The following MGAT4C variants were observed in gnomAD, a reference collection of about 807,000 sequenced individuals.
MGAT4C encodes alpha-1,3-mannosyl-glycoprotein 4-beta-N-acetylglucosaminyltransferase C.
MGAT4C carries 19 observed loss-of-function variants against 40.1 expected under a neutral mutation model. The ratio of observed to expected loss-of-function variants is 0.47; its 90% CI spans 0.33 to 0.70. The LOEUF (loss-of-function observed/expected upper bound fraction) is 0.70. MGAT4C is among the 30% of genes least tolerant of loss of function. The pLI is 0.02. For synonymous variants in MGAT4C, 181 were observed against 187.1 expected, an observed-to-expected ratio of 0.97 and a Z score of 0.27; for missense variants, 491 against 563.2, an observed-to-expected ratio of 0.87 and a Z score of 1.30.
intron 3 of MGAT4C, among the ~76,000 whole-genome samples, chr12:86,401,196 A>G (rs1315199006): frequency 1.3e-5 from 2 of 151,654 alleles, no homozygotes; most frequent in Non-Finnish European, 2.9e-5. Flanking sequence ...AGTTCATATA[A>G]ACTTTCAAAG....
chr12:86,150,629 A>G (rs1321497878), intron 1 of MGAT4C, among the ~76,000 whole-genome samples: 1 of 152,218 alleles, frequency 6.6e-6, no homozygotes, highest in African/African-American at 2.4e-5. Flanking sequence ...ATGGTGCAGT[A>G]TGTGGTGGTT....
At chr12:86,359,643 G>C (rs1424309962) in intron 3 of MGAT4C, among the ~76,000 whole-genome samples, 1 of 152,086 alleles carries the variant, frequency 6.6e-6, no homozygotes, top group Non-Finnish European at 1.5e-5. Flanking sequence ...AAATGATAAA[G>C]GGGATATCAC....
At chr12:86,702,154 C>G (rs146799586) in intron 2 of MGAT4C, among the ~76,000 whole-genome samples, 3 of 151,970 alleles carry the variant, frequency 2.0e-5, no homozygotes, top group Non-Finnish European at 4.4e-5. Context: ...CTCAGTCACT[C>G]AAGTAGCTAG....
chr12:86,439,800 C>A (rs1363565022), intron 2 of MGAT4C, among the ~76,000 whole-genome samples: 5 of 152,164 alleles, frequency 3.3e-5, no homozygotes, highest in African/African-American at 1.2e-4. Flanking sequence ...GACATTACAA[C>A]TGACACCACA....
At chr12:86,655,914 T>A (rs1481515518) in intron 2 of MGAT4C, among the ~76,000 whole-genome samples, 2 of 152,050 alleles carry the variant, frequency 1.3e-5, no homozygotes, top group Non-Finnish European at 2.9e-5. Flanking sequence ...GAATTCTGGG[T>A]CTGATGCTCA....
intron 1 of MGAT4C, among the ~76,000 whole-genome samples, chr12:86,796,109 A>G (rs1952112232): frequency 6.6e-6 from 1 of 151,784 alleles, no homozygotes; most frequent in Admixed American, 6.6e-5. Context: ...CTAGCACCTG[A>G]ACTTGACCTA....
chr12:86,628,245 T>C (rs969046076), intron 2 of MGAT4C, among the ~76,000 whole-genome samples: 16 of 152,120 alleles, frequency 1.1e-4, no homozygotes, highest in African/African-American at 3.1e-4. Context: ...TATGGGACTA[T>C]GTGAAAAGAC....
In MGAT4C at chr12:86,769,024, T is replaced by A. The variant is rs1057487867; in HGVS notation, c.-261-41783A>T. ...AAAGACAAAATTGACAAATGGGATCTAATTAAACGAAAGAGCTTCTGCACA... is the reference window on the plus strand; with the variant it reads ...AAAGACAAAATTGACAAATGGGATCAAATTAAACGAAAGAGCTTCTGCACA... On this transcript the variant is annotated intron_variant, in intron 1 of 7. Transcript: ENST00000548651. Among the ~76,000 whole-genome samples the A allele has an allele frequency of 2.9e-4, 44 of 151,558 alleles. 2 individuals are homozygous for A. Among genetic ancestry groups the A allele is most frequent in the Admixed American group, 2.6e-3 (40 of 15,230 alleles).
chr12:86,000,004 A>G (rs1887123477), intron 2 of MGAT4C, among the ~76,000 whole-genome samples: 1 of 152,154 alleles, frequency 6.6e-6, no homozygotes. Context: ...TCCTGAAGAG[A>G]AGATTTGGAA....
chr12:86,810,845 C>T (rs1262172237), intron 1 of MGAT4C, among the ~76,000 whole-genome samples: 1 of 151,968 alleles, frequency 6.6e-6, no homozygotes, highest in Non-Finnish European at 1.5e-5. Flanking sequence ...TACGGTAATA[C>T]TAGCCTAGTG....
Position 86,427,459 on chromosome 12 carries a change from G to A in MGAT4C, c.-120+7698C>T, listed in dbSNP as rs577841927. On this transcript the variant is annotated intron_variant, in intron 3 of 7. Transcript: ENST00000548651. ...ATATCATGGTTCTGTACTTAATGAA[G>A]CATAATTTTGTTTAAATTATAGAAT... is the stretch of plus-strand genomic sequence containing the variant. Among the ~76,000 whole-genome samples, 51 of 151,938 alleles carry A rather than the reference G, an allele frequency of 3.4e-4. 1 individual carries two copies. The highest frequency in any genetic ancestry group is 1.2e-3 in the Admixed American group (19 of 15,258).
chr12:86,480,473 T>TATAGATATGTACACATATAC (rs1338233074), intron 2 of MGAT4C, among the ~76,000 whole-genome samples: 2 of 122,408 alleles, frequency 1.6e-5, no homozygotes, highest in African/African-American at 6.0e-5. Flanking sequence ...CATATACATA[T>TATAGATATGTACACATATAC]GTATGTATAC....
At chr12:86,414,493 CT>C (rs1385276474) in intron 3 of MGAT4C, among the ~76,000 whole-genome samples, 1 of 152,030 alleles carries the variant, frequency 6.6e-6, no homozygotes, top group African/African-American at 2.4e-5. Context: ...ATATTGGTTA[CT>C]TTTTATTGAT....
chr12:86,232,359 T>C (rs1951358443), intron 1 of MGAT4C, among the ~76,000 whole-genome samples: 4 of 152,232 alleles, frequency 2.6e-5, no homozygotes. Flanking sequence ...AAATTTTTTT[T>C]CTCAAATACA....
intron 2 of MGAT4C, among the ~76,000 whole-genome samples, chr12:86,469,432 C>T (rs1957727311): frequency 6.6e-6 from 1 of 152,110 alleles, no homozygotes; most frequent in African/African-American, 2.4e-5. Flanking sequence ...TCCTTTCTCT[C>T]ATAAATCAAG....
intron 2 of MGAT4C, among the ~76,000 whole-genome samples, chr12:86,043,210 T>A (rs1039376650): frequency 6.6e-6 from 1 of 152,176 alleles, no homozygotes. Context: ...GATGTATATA[T>A]AAAAGGGAGT....
intron 1 of MGAT4C, among the ~76,000 whole-genome samples, chr12:86,194,943 G>C (rs1949743005): frequency 6.6e-6 from 1 of 152,118 alleles, no homozygotes; most frequent in Admixed American, 6.5e-5. Flanking sequence ...CATGAAACTG[G>C]CAAACCTCCA....
intron 1 of MGAT4C, among the ~76,000 whole-genome samples, chr12:86,228,587 T>C (rs1461513436): frequency 6.6e-6 from 1 of 151,862 alleles, no homozygotes; most frequent in African/African-American, 2.4e-5. Flanking sequence ...AGAATTTTTC[T>C]GCACTCTAAT....
intron 1 of MGAT4C, among the ~76,000 whole-genome samples, chr12:86,774,849 C>T (rs1951725345): frequency 6.6e-6 from 1 of 152,118 alleles, no homozygotes; most frequent in South Asian, 2.1e-4. Context: ...ATAATGAGGT[C>T]TCATGAGTAC....
Sources: allele counts gnomAD v4.1 joint callset (sites outside exome capture counted in the v4.1 genomes callset), GRCh38; gene constraint gnomAD v4.1.1; transcripts MANE v1.5; gene names NCBI Gene and HGNC (gene_info 2026-07-23, HGNC 2026-07-21).